The following DSTN variants were observed in gnomAD, a reference collection of about 807,000 sequenced individuals.
DSTN encodes the protein destrin.
In DSTN, 10 loss-of-function variants were observed where a neutral mutation model predicts 16.8. The ratio of observed to expected loss-of-function variants is 0.60; its 90% CI spans 0.37 to 1.01. DSTN has a LOEUF of 1.01. DSTN is among the 50% of genes least tolerant of loss of function. The probability of loss-of-function intolerance (pLI) is 0.01; values close to 1 mark genes in which losing one functional copy is unlikely to be tolerated. For missense variants in DSTN, 141 were observed against 196.7 expected, an observed-to-expected ratio of 0.72 and a Z score of 1.69; for synonymous variants, 57 against 58.9, an observed-to-expected ratio of 0.97 and a Z score of 0.14.
At chr20:17,592,387 A>C (rs553522886) in intron 1 of DSTN, among the ~76,000 whole-genome samples, 1 of 151,234 alleles carries the variant, frequency 6.6e-6, no homozygotes, top group African/African-American at 2.4e-5. Context: ...CCATGATCAC[A>C]TCACTGCACT....
chr20:17,580,767 G>T (rs2035334453), intron 1 of DSTN, among the ~76,000 whole-genome samples: 1 of 151,788 alleles, frequency 6.6e-6, no homozygotes, highest in African/African-American at 2.4e-5. Flanking sequence ...AAAAAAATGG[G>T]AAGTACTGGA....
chr20:17,601,031 G>T lies in DSTN; in HGVS notation c.297G>T (p.Leu99Phe). 1 of 1,591,702 alleles carries T rather than the reference G, an allele frequency of 6.3e-7. No homozygotes were observed. Among genetic ancestry groups the T allele is most frequent in the South Asian group, 1.1e-5 (1 of 87,444 alleles). The part of the protein sequence containing the change: ...FETKESRKEE[L>F]MFFLWAPELA... ...CAAAAGAATCCAGAAAAGAAGAGTT[G>T]ATGTTTTTTTTGTGGTAAGCATGTT... The change falls in exon 2 of 4, where the codon TTG (leucine) becomes TTT (phenylalanine). Residue 99 changes from leucine (L) to phenylalanine (F), a missense_variant. By Grantham distance (22) the Leu-to-Phe change is conservative. Coordinates refer to ENST00000246069, the MANE Select transcript of DSTN (RefSeq NM_006870.4).
At chr20:17,574,849 C>CTTTTT (rs1478575834) in intron 1 of DSTN, among the ~76,000 whole-genome samples, 5 of 76,070 alleles carry the variant, frequency 6.6e-5, no homozygotes, top group African/African-American at 1.2e-4. Context: ...TCTTTCTTTT[C>CTTTTT]TTTTTCTTTT....
chr20:17,581,639 C>T (rs1042681494), intron 1 of DSTN, among the ~76,000 whole-genome samples: 1 of 152,060 alleles, frequency 6.6e-6, no homozygotes, highest in Non-Finnish European at 1.5e-5. Context: ...GGATGTGTGG[C>T]ATAAGGGAAA....
chr20:17,589,261 A>T (rs560746883), intron 1 of DSTN, among the ~76,000 whole-genome samples: 1 of 150,710 alleles, frequency 6.6e-6, no homozygotes, highest in Admixed American at 6.6e-5. Flanking sequence ...CCCAGGCTGG[A>T]GTGCAGTGGT....
chr20:17,601,886 A>T (rs1027015283), intron 2 of DSTN, among the ~76,000 whole-genome samples: 1 of 151,970 alleles, frequency 6.6e-6, no homozygotes, highest in Non-Finnish European at 1.5e-5. Flanking sequence ...CCAGGAGTAG[A>T]ATTCTTTAGT....
At chr20:17,600,708 G>A (rs2035577111) in intron 1 of DSTN, 30 bp from the exon 2 acceptor site, 8 of 1,531,752 alleles carry the variant, frequency 5.2e-6, no homozygotes, top group Non-Finnish European at 7.0e-6. Context: ...AAAATTGTAA[G>A]TCTTTTTCTC....
intron 2 of DSTN, 110 bp from the exon 3 acceptor site, chr20:17,604,445 A>G: frequency 2.7e-6 from 3 of 1,122,154 alleles, no homozygotes; most frequent in Non-Finnish European, 3.8e-6. Context: ...AAAATATCTC[A>G]GGAGAGTCTG....
chr20:17,576,694 G>GT lies in DSTN; in HGVS notation c.3+6484dup, dbSNP rs1398827970. 4.6e-5 allele frequency among the ~76,000 whole-genome samples: 7 copies of GT among 152,282 alleles called. No individual in the cohort carries two copies. The South Asian group carries it at 6.2e-4, about 14-fold the overall frequency. Reference sequence around the variant, plus strand: ...TACACCTGGAAGGTCATTTGTCATTGTGTTTGTGCTTTTGGATCACATCAA... The same window carrying GT: ...TACACCTGGAAGGTCATTTGTCATTGTTGTTTGTGCTTTTGGATCACATCAA... On this transcript the variant is annotated intron_variant, in intron 1 of 3. Transcript: ENST00000246069.
At chr20:17,573,779 T>C (rs1055934296) in intron 1 of DSTN, among the ~76,000 whole-genome samples, 1 of 152,182 alleles carries the variant, frequency 6.6e-6, no homozygotes. Context: ...TCTTTTCATA[T>C]GTTTATTGCA....
chr20:17,604,064 A>G (rs1215057322), intron 2 of DSTN, among the ~76,000 whole-genome samples: 1 of 152,176 alleles, frequency 6.6e-6, no homozygotes, highest in African/African-American at 2.4e-5. Flanking sequence ...AAGGTGCCAA[A>G]ATATTAGCAT....
intron 1 of DSTN, among the ~76,000 whole-genome samples, chr20:17,590,388 G>A (rs1409937843): frequency 1.3e-5 from 2 of 152,222 alleles, no homozygotes; most frequent in African/African-American, 4.8e-5. Flanking sequence ...TGCCAGAGGA[G>A]ACTCAGACAG....
chr20:17,596,354 C>T (rs1191138255), intron 1 of DSTN, among the ~76,000 whole-genome samples: 1 of 152,126 alleles, frequency 6.6e-6, no homozygotes, highest in Non-Finnish European at 1.5e-5. Flanking sequence ...CAACGAGATC[C>T]GTGCTCATAT....
intron 1 of DSTN, among the ~76,000 whole-genome samples, chr20:17,582,761 G>C (rs1364207567): frequency 6.6e-6 from 1 of 152,154 alleles, no homozygotes; most frequent in Non-Finnish European, 1.5e-5. Flanking sequence ...AGAACACATA[G>C]GTATAAATCT....
At chr20:17,584,150 G>A (rs1009335958) in intron 1 of DSTN, among the ~76,000 whole-genome samples, 6 of 151,982 alleles carry the variant, frequency 3.9e-5, no homozygotes, top group African/African-American at 9.7e-5. Flanking sequence ...CACTTTAAAC[G>A]GGTAAATTTC....
chr20:17,605,504 T>C (rs953886286), intron 3 of DSTN, among the ~76,000 whole-genome samples: 1 of 152,228 alleles, frequency 6.6e-6, no homozygotes, highest in Non-Finnish European at 1.5e-5. Flanking sequence ...GTTTTTATAT[T>C]TTCATGGTAG....
chr20:17,600,168 G>C (rs1053968533), intron 1 of DSTN, among the ~76,000 whole-genome samples: 1 of 152,210 alleles, frequency 6.6e-6, no homozygotes, highest in East Asian at 1.9e-4. Context: ...TCTAATCTTA[G>C]TTTAAAATTT....
chr20:17,594,392 A>G (rs192382922), intron 1 of DSTN, among the ~76,000 whole-genome samples: 162 of 152,244 alleles, frequency 1.1e-3, no homozygotes, highest in Non-Finnish European at 1.8e-3. Flanking sequence ...TTGGTGGGAG[A>G]AAACAGAGCT....
At chr20:17,583,731 G>GTTTTTTTTTTTTT (rs74172899) in intron 1 of DSTN, among the ~76,000 whole-genome samples, 2 of 28,026 alleles carry the variant, frequency 7.1e-5, no homozygotes, top group African/African-American at 8.7e-5. Flanking sequence ...TGGGTTTGGA[G>GTTTTTTTTTTTTT]TTTCTTTTTT....
Sources: allele counts gnomAD v4.1 joint callset (sites outside exome capture counted in the v4.1 genomes callset), GRCh38; gene constraint gnomAD v4.1.1; transcripts MANE v1.5; gene names NCBI Gene and HGNC (gene_info 2026-07-23, HGNC 2026-07-21).